Variants in ZBTB10 observed in about 807,000 individuals in gnomAD.
ZBTB10 encodes zinc finger and BTB domain-containing protein 10.
Under a neutral mutation model 76.4 loss-of-function variants are expected in ZBTB10, and 32 were observed. That is an observed-to-expected ratio of 0.42 (90% CI 0.32 to 0.56). ZBTB10 has a LOEUF of 0.56. Among genes scored for constraint, ZBTB10 ranks in the 20% least tolerant of loss-of-function variants. The pLI is 0.14. For synonymous variants in ZBTB10, 523 were observed against 432.9 expected, an observed-to-expected ratio of 1.21 and a Z score of -2.58; for missense variants, 1,057 against 1,098.5, an observed-to-expected ratio of 0.96 and a Z score of 0.53.
intron 2 of ZBTB10, among the ~76,000 whole-genome samples, chr8:80,503,692 T>C (rs1286618405): frequency 1.3e-5 from 2 of 152,016 alleles, no homozygotes; most frequent in Non-Finnish European, 2.9e-5. Context: ...AATTTTTGTA[T>C]TTTGTATTTT....
intron 1 of ZBTB10, among the ~76,000 whole-genome samples, chr8:80,495,690 A>G (rs572810734): frequency 7.5e-4 from 114 of 152,322 alleles, no homozygotes; most frequent in African/African-American, 2.6e-3. Flanking sequence ...TTTATTAAAT[A>G]AATATGTAAA....
At position 80,487,218 on chromosome 8, in the gene ZBTB10, T is replaced by G; in HGVS notation, c.408T>G (p.Asn136Lys). ...RGGGGGGLGN[N>K]GSSRGRPETS... ...GCGGCGGCGGGGGTCTCGGCAACAA[T>G]GGCAGTAGCCGCGGCCGCCCCGAGA... The change falls in exon 1 of 6, where the codon AAT (asparagine) becomes AAG (lysine). Residue 136 changes from asparagine to lysine, a missense_variant. Transcript: ENST00000455036. 6.5e-7 allele frequency: 1 copy of G among 1,546,512 alleles called. No individual in the cohort carries two copies. Among genetic ancestry groups the G allele is most frequent in the Non-Finnish European group, 8.7e-7 (1 of 1,148,322 alleles).
In ZBTB10 at chr8:80,487,708, C is replaced by T. The variant is rs745488078; in HGVS notation, c.898C>T (p.Arg300Cys). 39 of 1,613,674 alleles carry T rather than the reference C, an allele frequency of 2.4e-5. No individual in the cohort carries two copies. The highest frequency in any genetic ancestry group is 2.9e-5 in the Non-Finnish European group (34 of 1,179,852). Residue 300 changes from arginine (R) to cysteine (C), a missense_variant, in exon 1 of 6, where the codon CGC becomes TGC. By Grantham distance (180) the Arg-to-Cys change is radical. Around this residue, in one of 5 missense-constraint regions of ZBTB10, gnomAD observed 556 missense variants for 451.7 expected, o/e 1.23. Transcript: ENST00000455036. Reference protein sequence around the residue: ...VGHDELSRGTRNYKKTLLLRH... With the variant: ...VGHDELSRGTCNYKKTLLLRH... ...GCATGATGAGCTTTCGCGAGGGACC[C>T]GCAACTACAAGAAAACCCTCCTCCT...
At chr8:80,489,502 T>G (rs1159569736) in intron 1 of ZBTB10, among the ~76,000 whole-genome samples, 1 of 152,204 alleles carries the variant, frequency 6.6e-6, no homozygotes, top group African/African-American at 2.4e-5. Flanking sequence ...AATTCCTCTT[T>G]ATCAGCATAG....
chr8:80,508,961 G>T (rs1170504471), intron 2 of ZBTB10, among the ~76,000 whole-genome samples: 1 of 152,138 alleles, frequency 6.6e-6, no homozygotes, highest in Non-Finnish European at 1.5e-5. Flanking sequence ...GGCATGTACT[G>T]GGGGGACCTG....
rs1366920721 is a variant in ZBTB10 at position 80,499,752 on chromosome 8, A to G, written c.1231A>G (p.Ile411Val). ...CCAAAACAATACTACCCACTTAGATATTGCTGCAGTTCAAGGTTTTTCAGT... is the reference window on the plus strand; with the variant it reads ...CCAAAACAATACTACCCACTTAGATGTTGCTGCAGTTCAAGGTTTTTCAGT... ...PNQNNTTHLDIAAVQGFSVIL... is the reference protein window; with the variant it reads ...PNQNNTTHLDVAAVQGFSVIL... Residue 411 changes from isoleucine to valine, a missense_variant, in exon 2 of 6, where the codon ATT (isoleucine) becomes GTT (valine). By Grantham distance (29) the Ile-to-Val change is conservative. This residue lies in a region of ZBTB10 where 86 missense variants were observed against 145.7 expected (regional missense o/e 0.59). Transcript: ENST00000455036. 1.2e-6 allele frequency: 2 copies of G among 1,613,968 alleles called. No homozygotes were observed. The highest frequency in any genetic ancestry group is 1.7e-6 in the Non-Finnish European group (2 of 1,179,882).
At chr8:80,511,411 A>G (rs1036062785) in intron 2 of ZBTB10, among the ~76,000 whole-genome samples, 1 of 152,224 alleles carries the variant, frequency 6.6e-6, no homozygotes, top group Non-Finnish European at 1.5e-5. Flanking sequence ...ATGTCCTTGA[A>G]CAGACTGCAT....
upstream of ZBTB10, chr8:80,485,612 T>C (rs1189233522): frequency 1.9e-6 from 1 of 537,376 alleles, no homozygotes; most frequent in East Asian, 3.4e-5. Context: ...GGCGGTGCAT[T>C]TTCTGTGAAA....
intron 3 of ZBTB10, among the ~76,000 whole-genome samples, chr8:80,517,871 CTTTTTTTTTTTTTTTT>C (rs773074047): frequency 1.3e-5 from 1 of 76,842 alleles, no homozygotes; most frequent in East Asian, 3.7e-4. Context: ...CGCCCGCCAC[CTTTTTTTTTTTTTTTT>C]TTTTTTTTTG....
chr8:80,485,714 G>C, upstream of ZBTB10: 1 of 1,423,474 alleles, frequency 7.0e-7, no homozygotes, highest in Non-Finnish European at 9.5e-7. Flanking sequence ...GAAAGGCACC[G>C]CCTGGTCCAG....
rs748049318 is a variant in ZBTB10 at position 80,519,213 on chromosome 8, C to G, written c.2311-10C>G. 1.2e-6 allele frequency: 2 copies of G among 1,608,078 alleles called. No individual in the cohort carries two copies. Among genetic ancestry groups the G allele is most frequent in the East Asian group, 4.5e-5 (2 of 44,804 alleles). ...TATCCTTATATTGGATTTTTTCCCC[C>G]TCCAATTAGGTGCATAAAAAGGATA... On this transcript the variant is annotated splice_polypyrimidine_tract_variant and intron_variant, in intron 5 of 5. Coordinates refer to ENST00000455036, the MANE Select transcript of ZBTB10 (RefSeq NM_001105539.3).
intron 1 of ZBTB10, among the ~76,000 whole-genome samples, chr8:80,491,375 G>A (rs1388127193): frequency 2.0e-5 from 3 of 152,180 alleles, no homozygotes; most frequent in Admixed American, 2.0e-4. Flanking sequence ...TGTACGCTAA[G>A]GCACAGTGAC....
chr8:80,514,140 A>G (rs193032886), intron 3 of ZBTB10, 132 bp downstream of exon 3: 130 of 726,346 alleles, frequency 1.8e-4, no homozygotes, highest in African/African-American at 8.4e-4. Flanking sequence ...TATGGTAGCT[A>G]TGTTTATGAT....
Position 80,486,296 on chromosome 8 carries a change from A to T in ZBTB10, c.-515A>T, listed in dbSNP as rs201364017. 1 of 1,011,206 alleles carries T rather than the reference A, an allele frequency of 9.9e-7. No individual in the cohort carries two copies. The highest frequency in any genetic ancestry group is 1.7e-5 in the African/African-American group (1 of 57,272). 62.6% of individuals were successfully genotyped at this position (1,011,206 alleles called of 1,614,324 possible). On this transcript the variant is annotated 5_prime_UTR_variant, in exon 1 of 6. An upstream start codon of the reference 5' UTR is lost. Transcript: ENST00000455036. ...CCGCCGGCTTTATTGTCGCTTCGTT[A>T]TGTGGCGGAGCCGAGCAGTTTAGCG...
chr8:80,498,318 A>G (rs1241484703), intron 1 of ZBTB10, among the ~76,000 whole-genome samples: 2 of 152,240 alleles, frequency 1.3e-5, no homozygotes, highest in Non-Finnish European at 2.9e-5. Flanking sequence ...GTAAAATCAT[A>G]GATCCATACA....
chr8:80,496,369 CTTTTTT>C (rs537668345), intron 1 of ZBTB10, among the ~76,000 whole-genome samples: 1 of 127,274 alleles, frequency 7.9e-6, no homozygotes, highest in Non-Finnish European at 1.7e-5. Flanking sequence ...TATGTGGTTT[CTTTTTT>C]TTTTTTTTTT....
Position 80,487,022 on chromosome 8 carries a change from G to C in ZBTB10, c.212G>C (p.Gly71Ala). 1 of 1,518,040 alleles carries C rather than the reference G, an allele frequency of 6.6e-7. No homozygotes were observed. The highest frequency in any genetic ancestry group is 8.8e-7 in the Non-Finnish European group (1 of 1,139,008). 94.0% of individuals were successfully genotyped at this position (1,518,040 alleles called of 1,614,324 possible). The change falls in exon 1 of 6, where the codon GGC (glycine) becomes GCC (alanine). Residue 71 changes from glycine to alanine, a missense_variant. Physicochemically the swap from Gly to Ala is moderately conservative, Grantham distance 60. Coordinates refer to ENST00000455036, the MANE Select transcript of ZBTB10 (RefSeq NM_001105539.3). ...GCCGACGAGGAAGTGGAATTGGAGG[G>C]CCTGGAGCCCCAAGACCTGGAGGCC... is the stretch of plus-strand genomic sequence containing the variant. ...RGADEEVELE[G>A]LEPQDLEASA...
At chr8:80,505,894 G>A (rs989946985) in intron 2 of ZBTB10, among the ~76,000 whole-genome samples, 2 of 150,414 alleles carry the variant, frequency 1.3e-5, no homozygotes, top group East Asian at 1.9e-4. Flanking sequence ...ACAGGTGGGC[G>A]TGCACCACTA....
At chr8:80,490,090 AAC>A (rs576544084) in intron 1 of ZBTB10, among the ~76,000 whole-genome samples, 77 of 152,308 alleles carry the variant, frequency 5.1e-4, no homozygotes, top group East Asian at 2.1e-3. Flanking sequence ...GAGGCAGTAT[AAC>A]ACAACACGTA....
Sources: gnomAD v4.1 joint callset for allele counts (sites outside exome capture counted in the v4.1 genomes callset) on GRCh38, gnomAD v4.1.1 for gene constraint, gnomAD v4.1.1 regional missense constraint, MANE v1.5 for transcripts, NCBI Gene and HGNC (gene_info 2026-07-23, HGNC 2026-07-21) for gene names.